The following HTR2C variants were observed in gnomAD, a reference collection of about 807,000 sequenced individuals.
HTR2C encodes 5-hydroxytryptamine receptor 2C, also known as 5-hydroxytryptamine (serotonin) receptor 2C, G protein-coupled.
A neutral mutation model predicts 21.0 loss-of-function variants in HTR2C; 5 were observed. That is an observed-to-expected ratio of 0.24 (90% CI 0.12 to 0.50). HTR2C has a LOEUF of 0.50. Ranked by LOEUF, HTR2C falls within the 20% of genes least tolerant of loss-of-function variation. The pLI, the probability that HTR2C is intolerant of heterozygous loss-of-function variation, is 0.98. For synonymous variants in HTR2C, 150 were observed against 145.3 expected, an observed-to-expected ratio of 1.03 and a Z score of -0.23; for missense variants, 271 against 371.2, an observed-to-expected ratio of 0.73 and a Z score of 2.22.
At chrX:114,689,208 G>A (rs868956372) in intron 2 of HTR2C, among the ~76,000 whole-genome samples, 55 of 72,720 alleles carry the variant, frequency 7.6e-4, no homozygotes, top group African/African-American at 2.5e-3. Context: ...GTATGTATGC[G>A]TATATATATA....
intron 4 of HTR2C, among the ~76,000 whole-genome samples, chrX:114,746,252 A>G (rs1432780834): frequency 2.7e-5 from 3 of 112,049 alleles, no homozygotes; most frequent in Non-Finnish European, 5.6e-5. Flanking sequence ...GCAAAAGAAT[A>G]CATTTATATC....
At chrX:114,803,166 A>C (rs1403430997) in intron 4 of HTR2C, among the ~76,000 whole-genome samples, 1 of 96,436 alleles carries the variant, frequency 1.0e-5, no homozygotes, top group African/African-American at 3.7e-5. Context: ...AGTCTTTGCT[A>C]TTGTGAATAA....
Position 114,871,673 on chromosome X carries a change from A to C in HTR2C, c.550+23470A>C, listed in dbSNP as rs782612161. On this transcript the variant is annotated intron_variant, in intron 5 of 5. Transcript: ENST00000276198. ...GTATCAGGATAATATTGATCTCATA[A>C]AATGAGACAAGGAATGTTATCTTCT... Among the ~76,000 whole-genome samples, 24 of 109,196 alleles carry C rather than the reference A, an allele frequency of 2.2e-4. No individual in the cohort carries two copies. The Admixed American group carries it at 2.3e-3, about 10-fold the overall frequency. The allele number at this position is 109,196 out of a possible 115,157, so 94.8% of individuals were successfully genotyped here.
At chrX:114,830,784 G>A (rs1384200937) in intron 4 of HTR2C, among the ~76,000 whole-genome samples, 1 of 97,406 alleles carries the variant, frequency 1.0e-5, no homozygotes, top group African/African-American at 3.7e-5. Context: ...CCATGCTGGT[G>A]CGCTGCACCC....
intron 2 of HTR2C, among the ~76,000 whole-genome samples, chrX:114,722,145 T>C (rs1303479627): frequency 8.1e-5 from 9 of 110,883 alleles, no homozygotes; most frequent in Non-Finnish European, 1.3e-4. Context: ...TCTTCCTACC[T>C]ATGAGCATAG....
chrX:114,632,541 A>T (rs1246776758), intron 2 of HTR2C, among the ~76,000 whole-genome samples: 1 of 112,376 alleles, frequency 8.9e-6, no homozygotes, highest in African/African-American at 3.2e-5. Context: ...CCAGTAAAAA[A>T]GATGACACAT....
In HTR2C at chrX:114,722,297, A is replaced by G. The variant is rs1468843995; in HGVS notation, c.-79-4561A>G. On this transcript the variant is annotated intron_variant, in intron 2 of 5. Coordinates refer to ENST00000276198, the MANE Select transcript of HTR2C (RefSeq NM_000868.4). ...TTGAAGCAGTTGTGAATGGGAGTTC[A>G]CTTATGATTTGGCTCTCTGTCTGTT... 2.7e-5 allele frequency among the ~76,000 whole-genome samples: 3 copies of G among 111,242 alleles called. No homozygotes were observed. In the Admixed American group the frequency reaches 2.9e-4, roughly 11 times the overall value.
At chrX:114,591,039 A>G (rs1163782981) in intron 1 of HTR2C, among the ~76,000 whole-genome samples, 2 of 111,994 alleles carry the variant, frequency 1.8e-5, no homozygotes, top group Non-Finnish European at 3.8e-5. Flanking sequence ...GAAATCAGAC[A>G]TTAGTATTAA....
intron 1 of HTR2C, among the ~76,000 whole-genome samples, chrX:114,592,541 AC>A (rs1296413912): frequency 8.9e-6 from 1 of 111,821 alleles, no homozygotes; most frequent in African/African-American, 3.2e-5. Context: ...TATTAAAAAA[AC>A]ACTCTATCCC....
At chrX:114,597,184 C>T (rs1449254317) in intron 1 of HTR2C, among the ~76,000 whole-genome samples, 3 of 92,877 alleles carry the variant, frequency 3.2e-5, no homozygotes, top group Non-Finnish European at 6.2e-5. Flanking sequence ...TGCCATTGCA[C>T]TCCAGCCTGG....
At chrX:114,866,977 T>C (rs1283346428) in intron 5 of HTR2C, among the ~76,000 whole-genome samples, 1 of 111,991 alleles carries the variant, frequency 8.9e-6, no homozygotes, top group East Asian at 2.8e-4. Context: ...AGTGAAGATA[T>C]CTCTTTGATA....
chrX:114,694,818 T>C (rs1198601896), intron 2 of HTR2C, among the ~76,000 whole-genome samples: 1 of 111,464 alleles, frequency 9.0e-6, no homozygotes, highest in Non-Finnish European at 1.9e-5. Flanking sequence ...CAAACCTCAC[T>C]AGTAGCACAA....
At chrX:114,590,770 C>T (rs868928106) in intron 1 of HTR2C, among the ~76,000 whole-genome samples, 1 of 111,659 alleles carries the variant, frequency 9.0e-6, no homozygotes, top group Non-Finnish European at 1.9e-5. Flanking sequence ...CCCTACCACA[C>T]TGTTTTATTT....
At chrX:114,812,562 T>C (rs782155232) in intron 4 of HTR2C, among the ~76,000 whole-genome samples, 4 of 110,244 alleles carry the variant, frequency 3.6e-5, no homozygotes, top group Non-Finnish European at 7.6e-5. Flanking sequence ...AAACCCCATC[T>C]CTACTAAAAC....
intron 2 of HTR2C, among the ~76,000 whole-genome samples, chrX:114,723,181 C>T (rs1472548622): frequency 1.8e-5 from 2 of 110,912 alleles, no homozygotes; most frequent in Non-Finnish European, 3.8e-5. Context: ...TGATTATTGC[C>T]ACAATTTCAG....
intron 4 of HTR2C, among the ~76,000 whole-genome samples, chrX:114,796,326 A>G (rs1455590130): frequency 9.0e-6 from 1 of 111,574 alleles, no homozygotes; most frequent in Admixed American, 9.6e-5. Flanking sequence ...CTAAAAATAA[A>G]TTTGCAGAAG....
chrX:114,896,658 G>T (rs1284335102), intron 5 of HTR2C, among the ~76,000 whole-genome samples: 1 of 111,979 alleles, frequency 8.9e-6, no homozygotes, highest in Non-Finnish European at 1.9e-5. Context: ...ATATAGCCAT[G>T]CTACCTTTCT....
At position 114,776,287 on chromosome X, in the gene HTR2C, A is replaced by T. The variant is rs1324101212; in HGVS notation, c.349+44680A>T. Reference sequence around the variant, plus strand: ...TTCTAAGTACATTGAGACCAGCAATAGTTCCAGCATCTTTGGTAGCCTGAT... The same window carrying T: ...TTCTAAGTACATTGAGACCAGCAATTGTTCCAGCATCTTTGGTAGCCTGAT... On this transcript the variant is annotated intron_variant, in intron 4 of 5. Transcript: ENST00000276198. 72 of 604,597 alleles carry T rather than the reference A, an allele frequency of 1.2e-4. 1 individual carries two copies. In the East Asian group the frequency reaches 2.1e-3, roughly 18 times the overall value. 49.8% of individuals were successfully genotyped at this position (604,597 alleles called of 1,213,427 possible).
intron 2 of HTR2C, among the ~76,000 whole-genome samples, chrX:114,621,188 C>G (rs1306904264): frequency 2.7e-5 from 3 of 112,206 alleles, no homozygotes; most frequent in Non-Finnish European, 3.8e-5. Context: ...GCCTGAGAGT[C>G]TGCATTTCTA....
Sources: gnomAD v4.1 joint callset for allele counts (sites outside exome capture counted in the v4.1 genomes callset) on GRCh38, gnomAD v4.1.1 for gene constraint, MANE v1.5 for transcripts, NCBI Gene and HGNC (gene_info 2026-07-23, HGNC 2026-07-21) for gene names.